Variants in CA10 observed in about 807,000 individuals in gnomAD.
CA10 encodes the protein carbonic anhydrase 10 (inactive).
In CA10, 14 loss-of-function variants were observed where a neutral mutation model predicts 44.2. The observed-to-expected ratio is 0.32, with a 90% confidence interval of 0.21 to 0.50. The LOEUF is 0.50. Among genes scored for constraint, CA10 ranks in the 20% least tolerant of loss-of-function variants. CA10 has a pLI of 0.99. For synonymous variants in CA10, 159 were observed against 141.6 expected, an observed-to-expected ratio of 1.12 and a Z score of -0.87; for missense variants, 350 against 409.7, an observed-to-expected ratio of 0.85 and a Z score of 1.26.
rs948191943 is a variant in CA10, at chr17:51,969,387, C to T, written c.137-38255G>A. On this transcript the variant is annotated intron_variant, in intron 2 of 8. Transcript: ENST00000451037. Reference sequence around the variant, plus strand: ...CAAGTTCACGTATCTGGTAAGTGGACAGAGCTGTAATTTCACTGTGCGTCT... The same window carrying T: ...CAAGTTCACGTATCTGGTAAGTGGATAGAGCTGTAATTTCACTGTGCGTCT... Among the ~76,000 whole-genome samples the T allele has an allele frequency of 3.9e-5, 6 of 152,146 alleles. No homozygotes were observed. In the East Asian group the frequency reaches 9.6e-4, roughly 24 times the overall value.
intron 3 of CA10, among the ~76,000 whole-genome samples, chr17:51,923,087 T>C (rs1402942597): frequency 6.6e-6 from 1 of 152,192 alleles, no homozygotes; most frequent in Non-Finnish European, 1.5e-5. Flanking sequence ...AAATTATACA[T>C]ACCATTTTCA....
chr17:52,059,826 A>T (rs1987333437), intron 2 of CA10, among the ~76,000 whole-genome samples: 1 of 152,204 alleles, frequency 6.6e-6, no homozygotes, highest in Non-Finnish European at 1.5e-5. Context: ...ATAACTTGAA[A>T]CAAAATTCTA....
intron 4 of CA10, among the ~76,000 whole-genome samples, chr17:51,676,810 A>G (rs1428903823): frequency 1.3e-5 from 2 of 152,148 alleles, no homozygotes; most frequent in African/African-American, 4.8e-5. Flanking sequence ...ATATCATGTC[A>G]GGGGCTCTTA....
intron 3 of CA10, among the ~76,000 whole-genome samples, chr17:51,864,229 G>C (rs745388203): frequency 6.6e-6 from 1 of 152,028 alleles, no homozygotes; most frequent in Non-Finnish European, 1.5e-5. Context: ...TTACCTCCCA[G>C]GAACCGGGGA....
intron 3 of CA10, among the ~76,000 whole-genome samples, chr17:51,765,772 C>T (rs950070652): frequency 6.7e-6 from 1 of 149,214 alleles, no homozygotes; most frequent in Non-Finnish European, 1.5e-5. Context: ...TATAGACAAT[C>T]CAGCAGAAAT....
At chr17:51,735,092 C>T (rs942998584) in intron 4 of CA10, among the ~76,000 whole-genome samples, 3 of 152,152 alleles carry the variant, frequency 2.0e-5, no homozygotes, top group Non-Finnish European at 2.9e-5. Flanking sequence ...CTCACAACTG[C>T]TCATGTAATT....
intron 1 of CA10, among the ~76,000 whole-genome samples, chr17:52,143,410 G>A (rs866198574): frequency 5.9e-5 from 9 of 152,174 alleles, no homozygotes; most frequent in Middle Eastern, 3.2e-3. Context: ...TTATGGTTAT[G>A]TGATTATAAG....
intron 3 of CA10, among the ~76,000 whole-genome samples, chr17:51,788,413 T>G (rs1906378539): frequency 6.6e-6 from 1 of 152,202 alleles, no homozygotes; most frequent in Non-Finnish European, 1.5e-5. Flanking sequence ...GAAACAAATG[T>G]GTATTCTGCA....
intron 2 of CA10, among the ~76,000 whole-genome samples, chr17:52,008,969 G>A (rs999235703): frequency 6.6e-6 from 1 of 151,756 alleles, no homozygotes; most frequent in Non-Finnish European, 1.5e-5. Context: ...TTTGACTTTG[G>A]TGCCTAGTAC....
intron 3 of CA10, among the ~76,000 whole-genome samples, chr17:51,907,488 A>G (rs1443540697): frequency 1.3e-5 from 2 of 152,088 alleles, no homozygotes; most frequent in African/African-American, 4.8e-5. Flanking sequence ...GTGTATATAT[A>G]TCTACGTACT....
intron 4 of CA10, among the ~76,000 whole-genome samples, chr17:51,686,252 A>T (rs1323525929): frequency 6.6e-6 from 1 of 152,142 alleles, no homozygotes; most frequent in Non-Finnish European, 1.5e-5. Context: ...AGGCCTTCCC[A>T]GCTATGTGGA....
intron 1 of CA10, among the ~76,000 whole-genome samples, chr17:52,079,405 G>A (rs570827463): frequency 2.0e-5 from 3 of 151,462 alleles, no homozygotes; most frequent in Admixed American, 2.0e-4. Context: ...GTTGTAGTGA[G>A]CAGAGATCAC....
chr17:51,697,828 G>C (rs1226771560), intron 4 of CA10, among the ~76,000 whole-genome samples: 1 of 152,186 alleles, frequency 6.6e-6, no homozygotes, highest in Non-Finnish European at 1.5e-5. Flanking sequence ...AGCTATTATT[G>C]TTGTTACCTG....
chr17:51,638,116 A>T lies in CA10; in HGVS notation c.635-2107T>A, dbSNP rs185613634. The stretch of plus-strand genomic sequence containing the variant: ...TGCTCGTTCAGCCTTCTCCAATAAG[A>T]AAGAGTTACCTTTGCCAAGGGAACT... On this transcript the variant is annotated intron_variant, in intron 6 of 8. Transcript: ENST00000451037. Among the ~76,000 whole-genome samples, 6 of 152,342 alleles carry T rather than the reference A, an allele frequency of 3.9e-5. No homozygotes were observed. In the East Asian group the frequency reaches 1.2e-3, roughly 29 times the overall value.
intron 2 of CA10, among the ~76,000 whole-genome samples, chr17:52,044,243 T>A (rs1176971191): frequency 6.6e-6 from 1 of 152,126 alleles, no homozygotes; most frequent in Non-Finnish European, 1.5e-5. Flanking sequence ...TCACTATTGG[T>A]CTGTTCAGAT....
At position 52,037,023 on chromosome 17, in the gene CA10, T is replaced by C. The variant is rs547569438; in HGVS notation, c.136+35296A>G. 5.9e-5 allele frequency among the ~76,000 whole-genome samples: 9 copies of C among 152,152 alleles called. No individual in the cohort carries two copies. In the East Asian group the frequency reaches 1.7e-3, roughly 30 times the overall value. ...AAGAGTGGCATTCTAAGGTCTCCAT[T>C]ATAATTGAAGGAGGAGAGAATGATT... On this transcript the variant is annotated intron_variant, in intron 2 of 8. Transcript: ENST00000451037.
intron 2 of CA10, among the ~76,000 whole-genome samples, chr17:52,044,689 A>G (rs1986862585): frequency 6.6e-6 from 1 of 152,268 alleles, no homozygotes; most frequent in South Asian, 2.1e-4. Flanking sequence ...CTGAAATGAA[A>G]AAATATACTT....
At chr17:52,127,570 G>A (rs1989146443) in intron 1 of CA10, among the ~76,000 whole-genome samples, 1 of 152,172 alleles carries the variant, frequency 6.6e-6, no homozygotes, top group Non-Finnish European at 1.5e-5. Flanking sequence ...ATCCACTCCA[G>A]TTAAGCATCT....
At chr17:51,723,182 A>G (rs2106338) in intron 4 of CA10, among the ~76,000 whole-genome samples, 103,453 of 152,042 alleles carry the variant, frequency 0.68, 35,226 homozygotes, top group Admixed American at 0.74. Flanking sequence ...CCAAGGAAAG[A>G]AGAATGTGAG....
Sources: allele counts gnomAD v4.1 joint callset (sites outside exome capture counted in the v4.1 genomes callset), GRCh38; gene constraint gnomAD v4.1.1; transcripts MANE v1.5; gene names NCBI Gene and HGNC (gene_info 2026-07-23, HGNC 2026-07-21).